The following PPP1R12A variants were observed in gnomAD, a reference collection of about 807,000 sequenced individuals.
PPP1R12A encodes the protein protein phosphatase 1 regulatory subunit 12A, also known as myosin binding subunit.
Under a neutral mutation model 139.6 loss-of-function variants are expected in PPP1R12A, and 19 were observed. The observed-to-expected ratio is 0.14, with a 90% CI of 0.09 to 0.20. PPP1R12A has a LOEUF of 0.20. Ranked by LOEUF, PPP1R12A falls within the 10% of genes least tolerant of loss-of-function variation. The pLI is 1.00. For synonymous variants in PPP1R12A, 427 were observed against 420.6 expected (o/e 1.02, Z -0.19); for missense variants, 925 against 1,211.5 (o/e 0.76, Z 3.51).
chr12:79,816,261 T>C (rs1875367636), intron 9 of PPP1R12A, among the ~76,000 whole-genome samples: 1 of 152,192 alleles, frequency 6.6e-6, no homozygotes, highest in African/African-American at 2.4e-5. Context: ...ATATTAGTTA[T>C]TAATAACATA....
intron 1 of PPP1R12A, among the ~76,000 whole-genome samples, chr12:79,886,917 G>C (rs1324339950): frequency 6.6e-6 from 1 of 152,052 alleles, no homozygotes; most frequent in Middle Eastern, 3.2e-3. Context: ...ATTGAACCTA[G>C]ATTTTTAGAA....
At chr12:79,839,745 G>A (rs893633227) in intron 3 of PPP1R12A, among the ~76,000 whole-genome samples, 1 of 152,080 alleles carries the variant, frequency 6.6e-6, no homozygotes, top group African/African-American at 2.4e-5. Flanking sequence ...TTCCTGATGT[G>A]TTTGCTTTCT....
intron 5 of PPP1R12A, among the ~76,000 whole-genome samples, chr12:79,825,676 A>G (rs1009241795): frequency 6.6e-5 from 10 of 151,976 alleles, no homozygotes; most frequent in Non-Finnish European, 1.5e-4. Context: ...AAACTCTGGT[A>G]GTACCTTAAG....
chr12:79,813,602 T>C (rs763490390), intron 9 of PPP1R12A, among the ~76,000 whole-genome samples: 1 of 152,206 alleles, frequency 6.6e-6, no homozygotes, highest in Admixed American at 6.5e-5. Flanking sequence ...ATAGATAATC[T>C]GCTTTAGAGA....
At chr12:79,791,753 A>T (rs1871898791) in intron 19 of PPP1R12A, among the ~76,000 whole-genome samples, 2 of 152,320 alleles carry the variant, frequency 1.3e-5, no homozygotes, top group East Asian at 1.9e-4. Context: ...TGTGCAAAAG[A>T]TCGCTAGAAC....
intron 14 of PPP1R12A, among the ~76,000 whole-genome samples, chr12:79,800,773 G>A (rs1194439256): frequency 2.1e-5 from 3 of 142,768 alleles, no homozygotes; most frequent in Admixed American, 7.3e-5. Flanking sequence ...TCGCTCTGTC[G>A]CCCAGGCTAG....
At chr12:79,852,771 C>A (rs35077971) in intron 2 of PPP1R12A, among the ~76,000 whole-genome samples, 12,675 of 152,190 alleles carry the variant, frequency 0.083, 1,361 homozygotes, top group African/African-American at 0.25. Context: ...TGAGAAGCTA[C>A]TGCTCCCATG....
chr12:79,888,549 T>C (rs796117346), intron 1 of PPP1R12A, among the ~76,000 whole-genome samples: 3 of 152,056 alleles, frequency 2.0e-5, no homozygotes, highest in Non-Finnish European at 2.9e-5. Flanking sequence ...TGCAGTTACA[T>C]AGAAGCAAGG....
At chr12:79,922,200 G>A (rs982280920) in intron 1 of PPP1R12A, among the ~76,000 whole-genome samples, 2 of 152,238 alleles carry the variant, frequency 1.3e-5, no homozygotes, top group Admixed American at 6.5e-5. Context: ...AGTCGAAGCT[G>A]CAGTGAGCTG....
chr12:79,821,292 AAATT>A lies in PPP1R12A; in HGVS notation c.868-130_868-127del, dbSNP rs1317115855. ...AATAAGACAAAACAAAGAAATAAAT[AAATT>A]AAGTTTTACCTGAAAAGGAAAGAGC... is the stretch of plus-strand genomic sequence containing the variant. On this transcript the variant is annotated intron_variant, in intron 6 of 24. Transcript: ENST00000450142. 7 of 640,942 alleles carry A rather than the reference AAATT, an allele frequency of 1.1e-5. No individual in the cohort carries two copies. The South Asian group carries it at 1.2e-4, about 11-fold the overall frequency. The allele number at this position is 640,942 out of a possible 1,614,324, so 39.7% of individuals were successfully genotyped here.
chr12:79,926,974 A>T (rs931532082), intron 1 of PPP1R12A, among the ~76,000 whole-genome samples: 4 of 152,100 alleles, frequency 2.6e-5, no homozygotes, highest in Non-Finnish European at 4.4e-5. Flanking sequence ...AGGTGGGAGG[A>T]TCACTTGGGC....
intron 1 of PPP1R12A, among the ~76,000 whole-genome samples, chr12:79,901,825 C>T (rs913927445): frequency 6.6e-6 from 1 of 152,080 alleles, no homozygotes; most frequent in Non-Finnish European, 1.5e-5. Flanking sequence ...GAACAGGGCG[C>T]TAATAGGAAA....
At chr12:79,913,351 C>T (rs984227232) in intron 1 of PPP1R12A, among the ~76,000 whole-genome samples, 1 of 152,092 alleles carries the variant, frequency 6.6e-6, no homozygotes, top group Non-Finnish European at 1.5e-5. Flanking sequence ...ATCTACAATC[C>T]AACTGGAATT....
At chr12:79,815,305 C>A (rs1023138926) in intron 9 of PPP1R12A, among the ~76,000 whole-genome samples, 1 of 152,026 alleles carries the variant, frequency 6.6e-6, no homozygotes, top group Non-Finnish European at 1.5e-5. Flanking sequence ...TTTGGGTGGG[C>A]GGATCACAAG....
intron 1 of PPP1R12A, among the ~76,000 whole-genome samples, chr12:79,916,395 A>T (rs924271858): frequency 6.6e-6 from 1 of 152,058 alleles, no homozygotes. Context: ...TAAGACAGAT[A>T]TTCATCGACA....
intron 3 of PPP1R12A, 33 bp downstream of exon 3, chr12:79,845,269 A>C (rs1879244667): frequency 6.8e-7 from 1 of 1,478,182 alleles, no homozygotes; most frequent in East Asian, 2.3e-5. Flanking sequence ...TCTTTCTAAA[A>C]CATTTTTCCA....
intron 5 of PPP1R12A, among the ~76,000 whole-genome samples, chr12:79,824,652 T>C (rs182265619): frequency 1.4e-4 from 21 of 152,278 alleles, no homozygotes; most frequent in African/African-American, 5.1e-4. Context: ...CTTTAAACAA[T>C]CTGCAGCACA....
intron 21 of PPP1R12A, chr12:79,788,237 T>C (rs940551521): frequency 5.2e-5 from 8 of 154,572 alleles, no homozygotes; most frequent in African/African-American, 1.9e-4. Flanking sequence ...ATTTATTCAT[T>C]AATTACTTCA....
intron 1 of PPP1R12A, among the ~76,000 whole-genome samples, chr12:79,887,714 T>C (rs894230783): frequency 6.6e-6 from 1 of 152,114 alleles, no homozygotes; most frequent in Admixed American, 6.6e-5. Context: ...TCAATAAATA[T>C]ACTAATGCGA....
Sources: gnomAD v4.1 joint callset for allele counts (sites outside exome capture counted in the v4.1 genomes callset) on GRCh38, gnomAD v4.1.1 for gene constraint, MANE v1.5 for transcripts, NCBI Gene and HGNC (gene_info 2026-07-23, HGNC 2026-07-21) for gene names.